The following PTPN12 variants were observed in gnomAD, a reference collection of about 807,000 sequenced individuals.
PTPN12 encodes protein tyrosine phosphatase non-receptor type 12.
PTPN12 carries 29 observed loss-of-function variants against 97.6 expected under a neutral mutation model. The observed-to-expected ratio is 0.30, with a 90% CI of 0.22 to 0.41. The LOEUF (loss-of-function observed/expected upper bound fraction) is 0.41, where lower values mean the gene tolerates loss of function less well. PTPN12 is among the 10% of genes least tolerant of loss of function. The pLI, the probability that PTPN12 is intolerant of heterozygous loss-of-function variation, is 1.00. For synonymous variants in PTPN12, 327 were observed against 300.4 expected (o/e 1.09, Z -0.91); for missense variants, 819 against 926.0 (o/e 0.88, Z 1.50).
chr7:77,624,830 G>GA (rs1028492210), intron 12 of PTPN12, among the ~76,000 whole-genome samples: 5 of 151,504 alleles, frequency 3.3e-5, no homozygotes, highest in Non-Finnish European at 5.9e-5. Flanking sequence ...CCTGGGGGGA[G>GA]AAAAAAAAGC....
At chr7:77,606,220 C>G (rs1376475374) in intron 8 of PTPN12, among the ~76,000 whole-genome samples, 2 of 151,864 alleles carry the variant, frequency 1.3e-5, no homozygotes, top group African/African-American at 4.8e-5. Flanking sequence ...TCCCAAAGTG[C>G]TGAGATTACA....
At chr7:77,555,863 C>G (rs1179630300) in intron 1 of PTPN12, among the ~76,000 whole-genome samples, 5 of 151,020 alleles carry the variant, frequency 3.3e-5, no homozygotes, top group Admixed American at 6.6e-5. Context: ...TGCAGTGAGC[C>G]GAGATCACAC....
At chr7:77,606,048 C>T (rs933531915) in intron 8 of PTPN12, among the ~76,000 whole-genome samples, 2 of 148,530 alleles carry the variant, frequency 1.3e-5, no homozygotes, top group African/African-American at 5.0e-5. Flanking sequence ...TCCACTTCCC[C>T]GGTTCAAGTG....
At chr7:77,631,808 ATAAC>A (rs918728552) in intron 13 of PTPN12, among the ~76,000 whole-genome samples, 82 of 152,368 alleles carry the variant, frequency 5.4e-4, no homozygotes, top group African/African-American at 1.9e-3. Context: ...TTTTGGAAAA[ATAAC>A]TAGTATTTCC....
chr7:77,573,086 A>AAAAAAAAAAAAAAAC (rs1787205547), intron 2 of PTPN12, among the ~76,000 whole-genome samples: 1 of 83,892 alleles, frequency 1.2e-5, no homozygotes, highest in South Asian at 3.9e-4. Flanking sequence ...CTATCTCAAA[A>AAAAAAAAAAAAAAAC]AAAAAAAAAA....
At chr7:77,582,039 T>C (rs1455547605) in intron 3 of PTPN12, among the ~76,000 whole-genome samples, 1 of 151,766 alleles carries the variant, frequency 6.6e-6, no homozygotes, top group Non-Finnish European at 1.5e-5. Flanking sequence ...ATAGTCTCTT[T>C]TATAACCTTT....
chr7:77,625,472 G>GCTCGCGCGCGCTCTCTCTCTCTCTTTCT, intron 12 of PTPN12, among the ~76,000 whole-genome samples: 1 of 33,522 alleles, frequency 3.0e-5, no homozygotes, highest in Non-Finnish European at 5.0e-5. Context: ...CAGGCTGCTC[G>GCTCGCGCGCGCTCTCTCTCTCTCTTTCT]CTCTCTCTCT....
intron 12 of PTPN12, among the ~76,000 whole-genome samples, chr7:77,622,099 C>T (rs979246797): frequency 6.6e-6 from 1 of 152,170 alleles, no homozygotes; most frequent in Non-Finnish European, 1.5e-5. Context: ...GAACTATAGA[C>T]ACACACCACC....
intron 14 of PTPN12, among the ~76,000 whole-genome samples, chr7:77,633,811 C>G (rs561075058): frequency 2.0e-5 from 3 of 152,054 alleles, no homozygotes; most frequent in African/African-American, 7.2e-5. Context: ...TTGCTTGAGC[C>G]TAAGAGTTTG....
chr7:77,597,039 A>T (rs1049694867), intron 6 of PTPN12, among the ~76,000 whole-genome samples: 2 of 151,136 alleles, frequency 1.3e-5, no homozygotes, highest in Admixed American at 6.6e-5. Context: ...CATTCATCTC[A>T]CCCCCTTCCC....
At chr7:77,603,946 T>G (rs1391978396) in intron 8 of PTPN12, among the ~76,000 whole-genome samples, 1 of 137,470 alleles carries the variant, frequency 7.3e-6, no homozygotes, top group Non-Finnish European at 1.5e-5. Flanking sequence ...TGGAGTGCAA[T>G]GGCACGATCT....
intron 4 of PTPN12, 115 bp downstream of exon 4, chr7:77,583,765 ATTGCTGATG>A (rs1289074875): frequency 1.6e-6 from 1 of 619,794 alleles, no homozygotes; most frequent in Non-Finnish European, 2.6e-6. Flanking sequence ...ATGTTTACTT[ATTGCTGATG>A]TTTACTAAAA....
chr7:77,568,600 G>A (rs981486470), intron 1 of PTPN12, among the ~76,000 whole-genome samples: 33 of 152,296 alleles, frequency 2.2e-4, no homozygotes, highest in African/African-American at 7.9e-4. Flanking sequence ...CCATGATCAT[G>A]CCACTGCATT....
At chr7:77,604,850 G>C (rs1788308957) in intron 8 of PTPN12, 2 of 427,874 alleles carry the variant, frequency 4.7e-6, no homozygotes, top group South Asian at 3.4e-5. Flanking sequence ...TATGTGATCA[G>C]AATTTAATTT....
At chr7:77,599,310 GC>G (rs1442798920) in intron 7 of PTPN12, among the ~76,000 whole-genome samples, 1 of 129,782 alleles carries the variant, frequency 7.7e-6, no homozygotes, top group Non-Finnish European at 1.6e-5. Context: ...CCCCCACAGC[GC>G]CCCGACTTTT....
chr7:77,585,499 T>G, intron 4 of PTPN12, 44 bp from the exon 5 acceptor site: 1 of 1,539,698 alleles, frequency 6.5e-7, no homozygotes, highest in Non-Finnish European at 8.9e-7. Context: ...AAATTGTGTT[T>G]AACTGATACG....
intron 6 of PTPN12, among the ~76,000 whole-genome samples, chr7:77,594,208 C>T (rs911053177): frequency 1.4e-4 from 22 of 152,126 alleles, no homozygotes; most frequent in African/African-American, 5.1e-4. Context: ...CACCTGTCAT[C>T]CCAGCACTTT....
At chr7:77,637,945 ATTTTTTTT>A (rs754842372) in intron 16 of PTPN12, among the ~76,000 whole-genome samples, 1 of 66,786 alleles carries the variant, frequency 1.5e-5, no homozygotes, top group Non-Finnish European at 2.7e-5. Context: ...ATTTCTTAAA[ATTTTTTTT>A]TTTTTTTTTT....
At chr7:77,567,195 T>TAA (rs35233834) in intron 1 of PTPN12, among the ~76,000 whole-genome samples, 86 of 141,126 alleles carry the variant, frequency 6.1e-4, no homozygotes, top group Non-Finnish European at 9.4e-4. Context: ...GTTGATGTGT[T>TAA]AAAAAAAAAA....
Sources: gnomAD v4.1 joint callset for allele counts (sites outside exome capture counted in the v4.1 genomes callset) on GRCh38, gnomAD v4.1.1 for gene constraint, MANE v1.5 for transcripts, NCBI Gene and HGNC (gene_info 2026-07-23, HGNC 2026-07-21) for gene names.